Variants in TNRC18 observed in about 807,000 individuals in gnomAD.
The protein encoded by TNRC18 is trinucleotide repeat-containing gene 18 protein.
A neutral mutation model predicts 226.7 loss-of-function variants in TNRC18; 69 were observed. The ratio of observed to expected loss-of-function variants is 0.30; its 90% CI spans 0.25 to 0.37. The LOEUF (loss-of-function observed/expected upper bound fraction) is 0.37, where lower values mean the gene tolerates loss of function less well. Ranked by LOEUF, TNRC18 falls within the 10% of genes least tolerant of loss-of-function variation. TNRC18 has a pLI of 1.00. For synonymous variants in TNRC18, 2,449 were observed against 1,927.6 expected (o/e 1.27, Z -7.09); for missense variants, 4,754 against 4,256.6 (o/e 1.12, Z -3.25).
intron 21 of TNRC18, among the ~76,000 whole-genome samples, chr7:5,321,660 T>G (rs1038405788): frequency 1.3e-5 from 2 of 150,926 alleles, no homozygotes; most frequent in African/African-American, 4.9e-5. Context: ...TATTTATTTA[T>G]TTATTTATTT....
chr7:5,391,796 A>T (rs1238563413), intron 3 of TNRC18, among the ~76,000 whole-genome samples: 2 of 148,086 alleles, frequency 1.4e-5, no homozygotes, highest in African/African-American at 2.5e-5. Flanking sequence ...CAGGAGTTTG[A>T]GACCAGCCTG....
chr7:5,362,207 C>G (rs1287639178), intron 12 of TNRC18, among the ~76,000 whole-genome samples, 174 bp from the exon 13 acceptor site: 4 of 152,174 alleles, frequency 2.6e-5, no homozygotes, highest in Non-Finnish European at 5.9e-5. Flanking sequence ...GCAAGGGACC[C>G]TGTGCTGGCT....
chr7:5,351,733 T>C, intron 17 of TNRC18, 86 bp downstream of exon 17: 1 of 1,426,822 alleles, frequency 7.0e-7, no homozygotes, highest in South Asian at 1.5e-5. Flanking sequence ...ATCTCTCCCG[T>C]GCGCCCACTC....
intron 11 of TNRC18, among the ~76,000 whole-genome samples, chr7:5,363,064 C>T (rs1793234101): frequency 6.6e-6 from 1 of 151,966 alleles, no homozygotes; most frequent in African/African-American, 2.4e-5. Context: ...GTGGCTGAGG[C>T]GGGCAGATCA....
chr7:5,387,629 G>C (rs758961504), intron 5 of TNRC18, 43 bp downstream of exon 5: 3 of 1,596,486 alleles, frequency 1.9e-6, no homozygotes, highest in Non-Finnish European at 2.5e-6. Context: ...ACGGCAGAGA[G>C]ACCCAAGATC....
chr7:5,313,849 G>C lies in TNRC18; in HGVS notation c.7042C>G (p.Leu2348Val). The C allele has an allele frequency of 6.7e-7, 1 of 1,487,130 alleles. No homozygotes were observed. The highest frequency in any genetic ancestry group is 1.9e-4 in the Middle Eastern group (1 of 5,130). 92.1% of individuals were successfully genotyped at this position (1,487,130 alleles called of 1,614,324 possible). A position where few individuals can be genotyped will look rare whatever the true frequency, so the allele number is the denominator to read the frequency against. ...TCGTCTGTTGGGTTCCCCTCCTCCA[G>C]GGTAGCGGCTCTGTCTGCAAAACAA... ...AKAKGDRAAT[L>V]EEGNPTDEVP... Residue 2348 changes from leucine to valine, a missense_variant, in exon 27 of 30, where the codon CTG (leucine) becomes GTG (valine). Coordinates refer to ENST00000430969, the MANE Select transcript of TNRC18 (RefSeq NM_001080495.3).
At chr7:5,413,053 A>T (rs1161305502) in intron 2 of TNRC18, among the ~76,000 whole-genome samples, 1 of 152,130 alleles carries the variant, frequency 6.6e-6, no homozygotes, top group Admixed American at 6.5e-5. Context: ...GCCCTGACTG[A>T]CCACTAACCA....
intron 18 of TNRC18, among the ~76,000 whole-genome samples, chr7:5,335,701 A>G (rs376636662): frequency 5.3e-4 from 80 of 151,852 alleles, no homozygotes; most frequent in African/African-American, 1.5e-3. Flanking sequence ...CTACCTATAC[A>G]CAGAATAGAC....
chr7:5,388,849 G>T lies in TNRC18; in HGVS notation c.975C>A (p.Leu325=). ...ARLLRRTETL[L]PGPRPCPSPL... is the part of the protein sequence containing the mutation. ...GTGAGGGGCAGGGGCGCGGCCCAGG[G>T]AGCAGGGTCTCCGTGCGCCGCAGCA... Residue 325 remains leucine (L), a synonymous_variant, in exon 5 of 30, where the codon CTC becomes CTA. Transcript: ENST00000430969. 7.9e-7 allele frequency: 1 copy of T among 1,259,602 alleles called. No homozygotes were observed. The highest frequency in any genetic ancestry group is 1.0e-6 in the Non-Finnish European group (1 of 998,862). The allele number at this position is 1,259,602 out of a possible 1,614,324, so 78.0% of individuals were successfully genotyped here. A position where few individuals can be genotyped will look rare whatever the true frequency, so the allele number is the denominator to read the frequency against.
chr7:5,322,225 C>G (rs1393945193), intron 21 of TNRC18, among the ~76,000 whole-genome samples: 3 of 152,004 alleles, frequency 2.0e-5, no homozygotes, highest in Non-Finnish European at 4.4e-5. Flanking sequence ...CTGCAGTGAG[C>G]CGAGATCACG....
At chr7:5,361,476 G>A (rs1190647989) in intron 14 of TNRC18, 118 bp downstream of exon 14, 3 of 1,273,406 alleles carry the variant, frequency 2.4e-6, no homozygotes, top group Non-Finnish European at 3.1e-6. Context: ...GCTGCGGGTA[G>A]GTCAGAGCCC....
intron 11 of TNRC18, among the ~76,000 whole-genome samples, chr7:5,365,526 T>TC (rs1460513005): frequency 6.6e-6 from 1 of 152,150 alleles, no homozygotes; most frequent in Non-Finnish European, 1.5e-5. Flanking sequence ...TGATAAATAC[T>TC]CCCCCTACCC....
chr7:5,358,769 G>A (rs557163795), intron 15 of TNRC18, among the ~76,000 whole-genome samples: 18 of 152,292 alleles, frequency 1.2e-4, no homozygotes, highest in African/African-American at 4.1e-4. Flanking sequence ...AGCCGAGATC[G>A]TGCCACGGCA....
rs1469693095 is a variant in TNRC18, at chr7:5,394,904, C to T, written c.188-309G>A. On this transcript the variant is annotated intron_variant, in intron 2 of 29. Transcript: ENST00000430969. This position sits in a 1 kb window ranked among gnomAD's most constrained non-coding sequence, Gnocchi z 4.5. ...AGGGCCTTCCACCCCTGCCGCCCAA[C>T]CAGCCCAGATCCGGCCCGGCACCAT... Among the ~76,000 whole-genome samples, 2 of 152,186 alleles carry T rather than the reference C, an allele frequency of 1.3e-5. No individual in the cohort carries two copies. The highest frequency in any genetic ancestry group is 2.9e-5 in the Non-Finnish European group (2 of 68,028).
chr7:5,318,371 G>C (rs1449036004), intron 24 of TNRC18, among the ~76,000 whole-genome samples: 1 of 152,072 alleles, frequency 6.6e-6, no homozygotes, highest in East Asian at 1.9e-4. Context: ...AAAACAGAAG[G>C]GGTTAGAAGA....
intron 16 of TNRC18, among the ~76,000 whole-genome samples, chr7:5,355,232 G>A (rs1792230176): frequency 6.6e-6 from 1 of 152,220 alleles, no homozygotes; most frequent in Non-Finnish European, 1.5e-5. Context: ...CAGGTTCTGG[G>A]CCACAAGAGG....
At chr7:5,334,030 G>A (rs986920539) in intron 18 of TNRC18, among the ~76,000 whole-genome samples, 1 of 152,162 alleles carries the variant, frequency 6.6e-6, no homozygotes, top group Non-Finnish European at 1.5e-5. Context: ...CCAGGACAGG[G>A]GCTCCAAGGT....
intron 24 of TNRC18, chr7:5,320,020 C>A: frequency 2.9e-6 from 1 of 345,836 alleles, no homozygotes; most frequent in Non-Finnish European, 5.6e-6. Flanking sequence ...GTGGGAAAAC[C>A]GAGACTGAGA....
At chr7:5,423,170 G>A (rs979445406) in intron 1 of TNRC18, 1 of 152,352 alleles carries the variant, frequency 6.6e-6, no homozygotes, top group Non-Finnish European at 1.5e-5. Context: ...TGGGAACCGA[G>A]AGAGGAACCG....
Sources: allele counts gnomAD v4.1 joint callset (sites outside exome capture counted in the v4.1 genomes callset), GRCh38; gene constraint gnomAD v4.1.1; non-coding constraint Gnocchi (gnomAD v3.1); transcripts MANE v1.5; gene names NCBI Gene and HGNC (gene_info 2026-07-23, HGNC 2026-07-21).